Variants in PPP1R16B observed in about 807,000 individuals in gnomAD.
PPP1R16B encodes protein phosphatase 1 regulatory subunit 16B.
In PPP1R16B, 14 loss-of-function variants were observed where a neutral mutation model predicts 61.7. The observed-to-expected ratio is 0.23, with a 90% CI of 0.15 to 0.35. The LOEUF (loss-of-function observed/expected upper bound fraction) is 0.35, where lower values mean the gene tolerates loss of function less well. PPP1R16B is among the 10% of genes least tolerant of loss of function. The pLI is 1.00. For synonymous variants in PPP1R16B, 266 were observed against 305.3 expected, an observed-to-expected ratio of 0.87 and a Z score of 1.34; for missense variants, 547 against 752.5, an observed-to-expected ratio of 0.73 and a Z score of 3.19.
chr20:38,911,518 T>G (rs934933366), intron 10 of PPP1R16B, among the ~76,000 whole-genome samples: 15 of 151,830 alleles, frequency 9.9e-5, no homozygotes, highest in Admixed American at 9.2e-4. Flanking sequence ...ATATTAAAAT[T>G]TACATATCCA....
chr20:38,810,158 C>A (rs1331238162), intron 1 of PPP1R16B, among the ~76,000 whole-genome samples: 1 of 152,148 alleles, frequency 6.6e-6, no homozygotes, highest in Non-Finnish European at 1.5e-5. Context: ...GACAGTTTTC[C>A]AGGTGGTAGG....
intron 2 of PPP1R16B, among the ~76,000 whole-genome samples, chr20:38,870,951 T>C (rs1311258721): frequency 6.6e-6 from 1 of 152,168 alleles, no homozygotes; most frequent in Non-Finnish European, 1.5e-5. Flanking sequence ...CCCAGTTTAC[T>C]GCAGTCCTGC....
intron 2 of PPP1R16B, among the ~76,000 whole-genome samples, chr20:38,879,818 G>A (rs1472086312): frequency 6.6e-6 from 1 of 152,204 alleles, no homozygotes; most frequent in Non-Finnish European, 1.5e-5. Flanking sequence ...GTTCTAGAAG[G>A]GAGCAGGTTT....
chr20:38,809,822 A>G (rs146922001), intron 1 of PPP1R16B, among the ~76,000 whole-genome samples: 3,975 of 152,144 alleles, frequency 0.026, 92 homozygotes, highest in Admixed American at 0.073. Context: ...TCTACAAAAA[A>G]TACAAAAAAT....
intron 3 of PPP1R16B, among the ~76,000 whole-genome samples, chr20:38,891,258 G>A (rs2085290095): frequency 6.6e-6 from 1 of 152,220 alleles, no homozygotes; most frequent in Non-Finnish European, 1.5e-5. Context: ...CTATGTGACT[G>A]TGGGGAAGTT....
chr20:38,893,775 A>G (rs980840054), intron 3 of PPP1R16B, among the ~76,000 whole-genome samples: 1 of 152,018 alleles, frequency 6.6e-6, no homozygotes, highest in Non-Finnish European at 1.5e-5. Context: ...CTGGACATCT[A>G]TCTCACAAGA....
rs753859353 is a variant in PPP1R16B at position 38,919,694 on chromosome 20, T to A, written c.*1028T>A. On this transcript the variant is annotated 3_prime_UTR_variant, in exon 11 of 11. Coordinates refer to ENST00000299824, the MANE Select transcript of PPP1R16B (RefSeq NM_015568.4). The stretch of plus-strand genomic sequence containing the variant: ...TTTCCAGGGAGAGAGGCCAGTTAAT[T>A]TAAAAAAAACAGTCGCTAGTTAACA... 3.3e-5 allele frequency: 5 copies of A among 152,026 alleles called. No homozygotes were observed. The highest frequency in any genetic ancestry group is 7.4e-5 in the Non-Finnish European group (5 of 68,026). 9.4% of individuals were successfully genotyped at this position (152,026 alleles called of 1,614,324 possible).
chr20:38,831,152 C>T lies in PPP1R16B; in HGVS notation c.-101-4673C>T, dbSNP rs149156652. On this transcript the variant is annotated intron_variant, in intron 1 of 10. Transcript: ENST00000299824. Reference sequence around the variant, plus strand: ...TTGCTTGTTGGACAGCTCTAGAGGCCGGTGTCTGTTCTTGGGGTGCACACA... The same window carrying T: ...TTGCTTGTTGGACAGCTCTAGAGGCTGGTGTCTGTTCTTGGGGTGCACACA... Among the ~76,000 whole-genome samples, 38 of 152,336 alleles carry T rather than the reference C, an allele frequency of 2.5e-4. No individual in the cohort carries two copies. The East Asian group carries it at 5.6e-3, about 22-fold the overall frequency.
intron 10 of PPP1R16B, among the ~76,000 whole-genome samples, chr20:38,908,741 A>G (rs1326496260): frequency 1.3e-5 from 2 of 152,196 alleles, no homozygotes; most frequent in Admixed American, 6.5e-5. Context: ...TGGCTGCTTT[A>G]AGAAATTATC....
rs1263996606 is a variant in PPP1R16B at position 38,922,510 on chromosome 20, G to T, written c.*3844G>T. On this transcript the variant is annotated 3_prime_UTR_variant, in exon 11 of 11. Coordinates refer to ENST00000299824, the MANE Select transcript of PPP1R16B (RefSeq NM_015568.4). ...ATGGTCAGTGGATGACTCTGCAAAA[G>T]TGACCCCCTGTGCCAGAAGCTATAG... The T allele has an allele frequency of 1.3e-5, 2 of 152,596 alleles. No homozygotes were observed. Among genetic ancestry groups the T allele is most frequent in the Non-Finnish European group, 2.9e-5 (2 of 68,042 alleles). 9.5% of individuals were successfully genotyped at this position (152,596 alleles called of 1,614,324 possible).
At position 38,907,770 on chromosome 20, in the gene PPP1R16B, C is replaced by T. The variant is rs1213938509; in HGVS notation, c.899-36C>T. On this transcript the variant is annotated intron_variant, in intron 8 of 10. Coordinates refer to ENST00000299824, the MANE Select transcript of PPP1R16B (RefSeq NM_015568.4). The surrounding 1 kb of genome is among the most constrained non-coding windows in gnomAD (Gnocchi z 4.5). Reference sequence around the variant, plus strand: ...CACCCTCTTGCGCCACAGGTCCTGGCCCCGTCCCCCACAACAGACTCCTCT... The same window carrying T: ...CACCCTCTTGCGCCACAGGTCCTGGTCCCGTCCCCCACAACAGACTCCTCT... The T allele has an allele frequency of 1.4e-5, 23 of 1,611,774 alleles. No homozygotes were observed. The highest frequency in any genetic ancestry group is 2.7e-5 in the African/African-American group (2 of 74,888).
intron 2 of PPP1R16B, among the ~76,000 whole-genome samples, chr20:38,885,516 G>A (rs1486201358): frequency 6.6e-6 from 1 of 152,206 alleles, no homozygotes; most frequent in South Asian, 2.1e-4. Context: ...CAGAAATCCA[G>A]AAATGCTGTT....
intron 2 of PPP1R16B, among the ~76,000 whole-genome samples, chr20:38,862,116 G>A (rs938846064): frequency 5.9e-5 from 9 of 152,212 alleles, no homozygotes; most frequent in Non-Finnish European, 1.2e-4. Flanking sequence ...TGCCTCCCAT[G>A]CCTGGCTTCT....
intron 6 of PPP1R16B, among the ~76,000 whole-genome samples, chr20:38,904,914 A>C (rs1209380494): frequency 6.6e-6 from 1 of 152,058 alleles, no homozygotes; most frequent in Non-Finnish European, 1.5e-5. Flanking sequence ...TCTCTCCTTC[A>C]TTCATTCTCA....
intron 2 of PPP1R16B, among the ~76,000 whole-genome samples, chr20:38,860,639 C>T (rs932318426): frequency 2.6e-5 from 4 of 152,118 alleles, no homozygotes; most frequent in Admixed American, 6.5e-5. Flanking sequence ...AGACTGTGGT[C>T]GCACCTTTGC....
intron 7 of PPP1R16B, 24 bp downstream of exon 7, chr20:38,906,118 G>A: frequency 6.2e-7 from 1 of 1,607,246 alleles, no homozygotes; most frequent in Non-Finnish European, 8.5e-7. Context: ...ACAGGGCTGT[G>A]GGGGAGGCCG....
intron 2 of PPP1R16B, among the ~76,000 whole-genome samples, chr20:38,841,353 GAAAAAAAAAAAAAAAAAA>G (rs34203271): frequency 1.4e-4 from 6 of 42,584 alleles, no homozygotes; most frequent in African/African-American, 4.8e-4. Flanking sequence ...TGTCTGTACT[GAAAAAAAAAAAAAAAAAA>G]AAAAAAAAAA....
intron 10 of PPP1R16B, among the ~76,000 whole-genome samples, chr20:38,916,237 G>A (rs928725797): frequency 6.7e-6 from 1 of 149,490 alleles, no homozygotes; most frequent in African/African-American, 2.5e-5. Context: ...CTCATAAATG[G>A]AAACTTACTA....
Position 38,922,135 on chromosome 20 carries a change from A to G in PPP1R16B, c.*3469A>G, listed in dbSNP as rs535246972. 1 of 152,408 alleles carries G rather than the reference A, an allele frequency of 6.6e-6. No homozygotes were observed. The highest frequency in any genetic ancestry group is 6.5e-5 in the Admixed American group (1 of 15,302). 9.4% of individuals were successfully genotyped at this position (152,408 alleles called of 1,614,324 possible). ...TAAACTCTAGGCCCAGGGCTACTAA[A>G]GACTTCAGGATAGAATTCTCCATCA... On this transcript the variant is annotated 3_prime_UTR_variant, in exon 11 of 11. Transcript: ENST00000299824.
Sources: allele counts gnomAD v4.1 joint callset (sites outside exome capture counted in the v4.1 genomes callset), GRCh38; gene constraint gnomAD v4.1.1; non-coding constraint Gnocchi (gnomAD v3.1); transcripts MANE v1.5; gene names NCBI Gene and HGNC (gene_info 2026-07-23, HGNC 2026-07-21).